Variants in A2ML1 observed in about 807,000 individuals in gnomAD.
A2ML1 encodes the protein alpha-2-macroglobulin-like protein 1.
Under a neutral mutation model 181.9 loss-of-function variants are expected in A2ML1, and 161 were observed. The ratio of observed to expected loss-of-function variants is 0.89; its 90% CI spans 0.78 to 1.01. The LOEUF is 1.01. A2ML1 is among the 50% of genes least tolerant of loss of function. A2ML1 has a pLI of 0.00. For synonymous variants in A2ML1, 663 were observed against 666.8 expected, an observed-to-expected ratio of 0.99 and a Z score of 0.09; for missense variants, 1,670 against 1,768.1, an observed-to-expected ratio of 0.94 and a Z score of 1.00.
chr12:8,843,006 T>A, intron 11 of A2ML1, 128 bp from the exon 12 acceptor site: 1 of 792,966 alleles, frequency 1.3e-6, no homozygotes, highest in Non-Finnish European at 2.0e-6. Flanking sequence ...GCTAATGAAA[T>A]ACCCACATGC....
intron 3 of A2ML1, among the ~76,000 whole-genome samples, chr12:8,829,317 G>A (rs367550496): frequency 2.6e-5 from 4 of 152,158 alleles, no homozygotes; most frequent in African/African-American, 9.7e-5. Context: ...AACCTGTTGG[G>A]GTTTTGCTGA....
intron 33 of A2ML1, among the ~76,000 whole-genome samples, chr12:8,871,778 ATATATT>A (rs1944630845): frequency 6.6e-6 from 1 of 152,020 alleles, no homozygotes; most frequent in African/African-American, 2.4e-5. Context: ...ATATATGTGT[ATATATT>A]TATATCATTT....
chr12:8,878,675 T>C (rs779574415), downstream of A2ML1, among the ~76,000 whole-genome samples: 1 of 152,252 alleles, frequency 6.6e-6, no homozygotes, highest in African/African-American at 2.4e-5. The surrounding 1 kb of genome is among the most constrained non-coding windows in gnomAD (Gnocchi z 4.4). Flanking sequence ...GAATTTAAAA[T>C]TGAAAAGGCC....
At chr12:8,870,290 C>A (rs1489564915) in intron 33 of A2ML1, among the ~76,000 whole-genome samples, 1 of 151,142 alleles carries the variant, frequency 6.6e-6, no homozygotes, top group Non-Finnish European at 1.5e-5. Context: ...TTTTTTGAGA[C>A]GCAGTCTCGC....
intron 4 of A2ML1, among the ~76,000 whole-genome samples, chr12:8,831,291 G>C (rs1943104493): frequency 6.6e-6 from 1 of 152,120 alleles, no homozygotes; most frequent in Non-Finnish European, 1.5e-5. Flanking sequence ...CTCTAGAGCT[G>C]CAACAAGGAA....
rs1425915259 is a variant in A2ML1 at position 8,841,384 on chromosome 12, C to T, written c.1096C>T (p.His366Tyr). Reference protein sequence around the residue: ...PFSGKIRVRGHDDSFLKNHLV... With the variant: ...PFSGKIRVRGYDDSFLKNHLV... Reference sequence around the variant, plus strand: ...TGTCCTTCAGATAAGAGTTAGGGGCCATGATGACTCCTTCCTCAAGAACCA... The same window carrying T: ...TGTCCTTCAGATAAGAGTTAGGGGCTATGATGACTCCTTCCTCAAGAACCA... Residue 366 changes from histidine (H) to tyrosine (Y), a missense_variant, in exon 11 of 36, where the codon CAT (histidine) becomes TAT (tyrosine). Coordinates refer to ENST00000299698, the MANE Select transcript of A2ML1 (RefSeq NM_144670.6). The T allele has an allele frequency of 1.2e-6, 2 of 1,613,930 alleles. No individual in the cohort carries two copies. Among genetic ancestry groups the T allele is most frequent in the East Asian group, 4.5e-5 (2 of 44,890 alleles).
At position 8,869,129 on chromosome 12, in the gene A2ML1, A is replaced by G. The variant is rs1446157156; in HGVS notation, c.4153-6A>G. 6.2e-7 allele frequency: 1 copy of G among 1,613,628 alleles called. No homozygotes were observed. Among genetic ancestry groups the G allele is most frequent in the Non-Finnish European group, 8.5e-7 (1 of 1,179,902 alleles). On this transcript the variant is annotated splice_region_variant and splice_polypyrimidine_tract_variant and intron_variant, in intron 32 of 35. Coordinates refer to ENST00000299698, the MANE Select transcript of A2ML1 (RefSeq NM_144670.6). ...AGTATCTTTTTTTTCTCCCTCTCTT[A>G]TTCAGCTTCTCCAGCAACCCCTGGT... is the stretch of plus-strand genomic sequence containing the variant.
chr12:8,850,879 T>C (rs1419042242), intron 18 of A2ML1, among the ~76,000 whole-genome samples: 2 of 152,060 alleles, frequency 1.3e-5, no homozygotes, highest in Admixed American at 6.6e-5. Flanking sequence ...GCTGGGACTA[T>C]AGGCACATGC....
At chr12:8,841,587 GA>G in intron 11 of A2ML1, 51 bp downstream of exon 11, 3 of 1,562,780 alleles carry the variant, frequency 1.9e-6, no homozygotes, top group Non-Finnish European at 2.6e-6. Context: ...TTCCCTGAAG[GA>G]AAACTTCAGA....
chr12:8,840,095 C>G (rs1367764090), intron 10 of A2ML1, among the ~76,000 whole-genome samples: 2 of 152,096 alleles, frequency 1.3e-5, no homozygotes, highest in Non-Finnish European at 2.9e-5. Flanking sequence ...CGTGGTGGCT[C>G]ACGTCTGCAG....
chr12:8,851,376 A>G (rs1178448983), intron 18 of A2ML1, among the ~76,000 whole-genome samples: 1 of 151,706 alleles, frequency 6.6e-6, no homozygotes, highest in Non-Finnish European at 1.5e-5. Flanking sequence ...CCCATACAAT[A>G]ACAATAACAA....
intron 4 of A2ML1, among the ~76,000 whole-genome samples, 192 bp from the exon 5 acceptor site, chr12:8,834,470 T>C (rs1232283189): frequency 6.6e-6 from 1 of 152,194 alleles, no homozygotes; most frequent in East Asian, 1.9e-4. Context: ...CCTCCTGCCT[T>C]GTTTCCCTCC....
intron 34 of A2ML1, 97 bp from the exon 35 acceptor site, chr12:8,874,874 T>C (rs1944750722): frequency 2.6e-6 from 3 of 1,172,510 alleles, no homozygotes; most frequent in Admixed American, 1.9e-5. Context: ...CTGTAGAGAT[T>C]CTCTGGAAGG....
chr12:8,878,853 C>G (rs984739475), downstream of A2ML1, among the ~76,000 whole-genome samples: 6 of 152,162 alleles, frequency 3.9e-5, no homozygotes, highest in Non-Finnish European at 5.9e-5. The surrounding 1 kb of genome is among the most constrained non-coding windows in gnomAD (Gnocchi z 4.4). Flanking sequence ...GTCCCAGCTA[C>G]TCCGGAGGCT....
At chr12:8,834,708 C>T (rs1565465901) in intron 5 of A2ML1, 26 bp downstream of exon 5, 2 of 1,613,786 alleles carry the variant, frequency 1.2e-6, no homozygotes, top group Admixed American at 1.7e-5. Flanking sequence ...TTTCTCTTCT[C>T]TGTCAGTTGT....
At chr12:8,878,045 G>A (rs1944831242), downstream of A2ML1, among the ~76,000 whole-genome samples, 1 of 152,172 alleles carries the variant, frequency 6.6e-6, no homozygotes, top group Admixed American at 6.6e-5. This position sits in a 1 kb window ranked among gnomAD's most constrained non-coding sequence, Gnocchi z 4.4. Context: ...GCTCATACCT[G>A]TAAACCCAGC....
rs1250356724 is a variant in A2ML1, at chr12:8,852,143, G to A, written c.2464-67G>A. On this transcript the variant is annotated intron_variant, in intron 19 of 35. Transcript: ENST00000299698. The surrounding 1 kb of genome is among the most constrained non-coding windows in gnomAD (Gnocchi z 4.2). The stretch of plus-strand genomic sequence containing the variant: ...GAGATGTCGGCGTCTCAGCCCCCAG[G>A]TTTCCCCAGGCCTCTATGCACTACC... 6.2e-7 allele frequency: 1 copy of A among 1,600,392 alleles called. No individual in the cohort carries two copies. Among genetic ancestry groups the A allele is most frequent in the Non-Finnish European group, 8.5e-7 (1 of 1,172,752 alleles).
chr12:8,840,252 C>T (rs1390067491), intron 10 of A2ML1, among the ~76,000 whole-genome samples: 1 of 151,152 alleles, frequency 6.6e-6, no homozygotes, highest in Non-Finnish European at 1.5e-5. Context: ...CCCAGCTACT[C>T]GGGAGTCTGA....
intron 3 of A2ML1, among the ~76,000 whole-genome samples, chr12:8,828,548 C>T (rs1342557629): frequency 1.3e-5 from 2 of 152,242 alleles, no homozygotes; most frequent in East Asian, 3.9e-4. Flanking sequence ...ATCCAAGAGC[C>T]ACAGCCCATA....
Sources: allele counts gnomAD v4.1 joint callset (sites outside exome capture counted in the v4.1 genomes callset), GRCh38; gene constraint gnomAD v4.1.1; non-coding constraint Gnocchi (gnomAD v3.1); transcripts MANE v1.5; gene names NCBI Gene and HGNC (gene_info 2026-07-23, HGNC 2026-07-21).